CHODL: variants seen among roughly 807,000 people sequenced by gnomAD.
The protein encoded by CHODL is transmembrane protein MT75.
Under a neutral mutation model 34.5 loss-of-function variants are expected in CHODL, and 29 were observed. The observed-to-expected ratio is 0.84, with a 90% confidence interval of 0.63 to 1.15. CHODL has a LOEUF of 1.15. CHODL is among the 50% of genes most tolerant of loss of function. The pLI, the probability that CHODL is intolerant of heterozygous loss-of-function variation, is 0.00. For missense variants in CHODL, 332 were observed against 332.5 expected, an observed-to-expected ratio of 1.00 and a Z score of 0.01; for synonymous variants, 125 against 116.1, an observed-to-expected ratio of 1.08 and a Z score of -0.49.
chr21:18,009,614 C>T (rs1396194534), intron 1 of CHODL, among the ~76,000 whole-genome samples: 1 of 152,066 alleles, frequency 6.6e-6, no homozygotes, highest in Non-Finnish European at 1.5e-5. Context: ...AAATTGTTGA[C>T]TGACTTGCTT....
At chr21:18,185,839 T>C (rs2073434141) in intron 2 of CHODL, among the ~76,000 whole-genome samples, 1 of 152,152 alleles carries the variant, frequency 6.6e-6, no homozygotes, top group African/African-American at 2.4e-5. Flanking sequence ...TAACCTTATA[T>C]GGTAGAAAAA....
rs373342182 is a variant in CHODL, at chr21:18,256,677, T to C, written c.248T>C (p.Met83Thr). The change falls in exon 2 of 6, where the codon ATG (methionine) becomes ACG (threonine). Residue 83 changes from methionine to threonine, a missense_variant. Transcript: ENST00000299295. ...NEAEQKLIES[M>T]LQNLTKPGTG... is the part of the protein sequence containing the mutation. ...GCAGAACAGAAGTTAATAGAGAGCATGTTGCAAAACCTGACAAAACCCGGG... is the reference window on the plus strand; with the variant it reads ...GCAGAACAGAAGTTAATAGAGAGCACGTTGCAAAACCTGACAAAACCCGGG... 4.3e-6 allele frequency: 7 copies of C among 1,613,924 alleles called. No homozygotes were observed. The highest frequency in any genetic ancestry group is 4.0e-5 in the African/African-American group (3 of 74,880).
intron 1 of CHODL, among the ~76,000 whole-genome samples, chr21:18,252,272 T>C (rs867058801): frequency 2.6e-5 from 4 of 152,120 alleles, no homozygotes; most frequent in Admixed American, 6.6e-5. Flanking sequence ...ATCTATCCCA[T>C]AAAATGTTGA....
At chr21:18,104,227 G>C (rs970844004) in intron 2 of CHODL, among the ~76,000 whole-genome samples, 2 of 152,106 alleles carry the variant, frequency 1.3e-5, no homozygotes, top group Non-Finnish European at 2.9e-5. Context: ...ATCTCATCTT[G>C]AATTGTAATC....
intron 1 of CHODL, among the ~76,000 whole-genome samples, chr21:18,248,895 A>AATACATATATATGT (rs2074190984): frequency 5.2e-5 from 6 of 114,598 alleles, no homozygotes; most frequent in African/African-American, 2.4e-4. Context: ...CCTATAATAT[A>AATACATATATATGT]ATACATATAT....
At chr21:18,064,078 C>T (rs572965619) in intron 2 of CHODL, among the ~76,000 whole-genome samples, 1 of 152,308 alleles carries the variant, frequency 6.6e-6, no homozygotes, top group South Asian at 2.1e-4. Context: ...CGCCTCCTCA[C>T]TTGGGTCAGA....
intron 2 of CHODL, among the ~76,000 whole-genome samples, chr21:18,065,274 T>C (rs1305772858): frequency 6.6e-6 from 1 of 152,254 alleles, no homozygotes; most frequent in African/African-American, 2.4e-5. Context: ...AGGTACTATA[T>C]GCCTTCTGTG....
intron 2 of CHODL, among the ~76,000 whole-genome samples, chr21:18,030,840 C>T (rs1446700484): frequency 6.6e-6 from 1 of 152,028 alleles, no homozygotes; most frequent in African/African-American, 2.4e-5. Context: ...GTGTTTGCTA[C>T]CTTAGAAAAA....
intron 2 of CHODL, among the ~76,000 whole-genome samples, chr21:18,173,325 T>G (rs1260851763): frequency 6.6e-6 from 1 of 152,202 alleles, no homozygotes; most frequent in Non-Finnish European, 1.5e-5. Context: ...TACATACTCA[T>G]GAAGAAGGCA....
chr21:17,934,820 A>C lies in CHODL; in HGVS notation c.-145+17420A>C, dbSNP rs2063306568. Among the ~76,000 whole-genome samples, 4 of 152,198 alleles carry C rather than the reference A, an allele frequency of 2.6e-5. No individual in the cohort carries two copies. In the South Asian group the frequency reaches 8.3e-4, roughly 32 times the overall value. On this transcript the variant is annotated intron_variant, in intron 1 of 6. Transcript: ENST00000400127. ...TTGATTTTGTTTTCTGAAACAAATT[A>C]AAATTTGTATGTTCAAAATAATGTT...
At chr21:18,096,713 A>C (rs1414107093) in intron 2 of CHODL, among the ~76,000 whole-genome samples, 1 of 152,160 alleles carries the variant, frequency 6.6e-6, no homozygotes, top group Non-Finnish European at 1.5e-5. Flanking sequence ...ATGAAACCTC[A>C]TCAGTAATTC....
chr21:18,028,978 T>A (rs1372468520), intron 2 of CHODL, among the ~76,000 whole-genome samples: 1 of 152,162 alleles, frequency 6.6e-6, no homozygotes, highest in Non-Finnish European at 1.5e-5. Context: ...CATGGTCTGG[T>A]TTAGAATTGC....
intron 2 of CHODL, among the ~76,000 whole-genome samples, chr21:18,071,292 G>A (rs1410160695): frequency 2.0e-5 from 3 of 151,786 alleles, no homozygotes; most frequent in Non-Finnish European, 4.4e-5. Flanking sequence ...GACTACAGGT[G>A]CATGCCACCA....
upstream of CHODL, among the ~76,000 whole-genome samples, chr21:18,242,467 G>A (rs2074091673): frequency 6.6e-6 from 1 of 150,754 alleles, no homozygotes; most frequent in East Asian, 1.9e-4. Context: ...TTCCATCAGG[G>A]CTCTCCAAAG....
intron 2 of CHODL, among the ~76,000 whole-genome samples, chr21:18,152,886 G>T (rs999898515): frequency 6.6e-6 from 1 of 152,196 alleles, no homozygotes; most frequent in East Asian, 1.9e-4. Flanking sequence ...TCTGACAGAA[G>T]TTAAGAGAAG....
At chr21:18,258,026 C>T (rs528078097) in intron 3 of CHODL, among the ~76,000 whole-genome samples, 6 of 152,212 alleles carry the variant, frequency 3.9e-5, no homozygotes, top group East Asian at 1.9e-4. Context: ...ACTCATAATA[C>T]GTGTTCACAG....
At chr21:18,085,116 T>C (rs910005603) in intron 2 of CHODL, among the ~76,000 whole-genome samples, 12 of 152,164 alleles carry the variant, frequency 7.9e-5, no homozygotes, top group Non-Finnish European at 1.5e-4. Context: ...TGTTTGCTTT[T>C]GGTTTCCATT....
chr21:18,171,230 C>G (rs184144380), intron 2 of CHODL, among the ~76,000 whole-genome samples: 3 of 12,508 alleles, frequency 2.4e-4, no homozygotes, highest in Non-Finnish European at 4.3e-4. Context: ...GACGGAGTCT[C>G]GCTCTGTCGC....
At chr21:18,217,495 C>A (rs959042839) in intron 2 of CHODL, among the ~76,000 whole-genome samples, 1 of 152,058 alleles carries the variant, frequency 6.6e-6, no homozygotes, top group Non-Finnish European at 1.5e-5. Context: ...TAACTGCCCC[C>A]CCGACTCAAT....
Sources: gnomAD v4.1 joint callset for allele counts (sites outside exome capture counted in the v4.1 genomes callset) on GRCh38, gnomAD v4.1.1 for gene constraint, MANE v1.5 for transcripts, NCBI Gene and HGNC (gene_info 2026-07-23, HGNC 2026-07-21) for gene names.